The following ST18 variants were observed in gnomAD, a reference collection of about 807,000 sequenced individuals.
ST18 encodes the protein suppression of tumorigenicity 18 protein.
In ST18, 50 loss-of-function variants were observed where a neutral mutation model predicts 110.0. The ratio of observed to expected loss-of-function variants is 0.45; its 90% CI spans 0.36 to 0.58. The LOEUF is 0.58. ST18 is among the 20% of genes least tolerant of loss of function. The probability of loss-of-function intolerance (pLI) is 0.00; values close to 1 mark genes in which losing one functional copy is unlikely to be tolerated. For synonymous variants in ST18, 461 were observed against 452.4 expected, an observed-to-expected ratio of 1.02 and a Z score of -0.24; for missense variants, 1,306 against 1,280.1, an observed-to-expected ratio of 1.02 and a Z score of -0.31.
At chr8:52,227,313 T>C (rs2089833609) in intron 3 of ST18, among the ~76,000 whole-genome samples, 1 of 152,188 alleles carries the variant, frequency 6.6e-6, no homozygotes, top group Admixed American at 6.5e-5. Flanking sequence ...AAAGCACAAC[T>C]CTTGTTCTCA....
intron 2 of ST18, among the ~76,000 whole-genome samples, chr8:52,388,095 G>T (rs1837616319): frequency 6.6e-6 from 1 of 152,144 alleles, no homozygotes; most frequent in African/African-American, 2.4e-5. Context: ...TGTAACGCTT[G>T]TTTCGAAAAT....
intron 2 of ST18, among the ~76,000 whole-genome samples, chr8:52,331,034 C>G (rs1252691388): frequency 2.6e-5 from 4 of 152,110 alleles, no homozygotes; most frequent in Non-Finnish European, 5.9e-5. Context: ...GTGTGATTGG[C>G]TGCTCCTAGA....
intron 25 of ST18, 102 bp downstream of exon 25, chr8:52,116,171 TCA>T: frequency 7.4e-7 from 1 of 1,355,418 alleles, no homozygotes. Flanking sequence ...CTGTGACTGC[TCA>T]CAGGTCTCCT....
chr8:52,212,135 A>C, intron 7 of ST18, 26 bp from the exon 8 acceptor site: 1 of 1,593,650 alleles, frequency 6.3e-7, no homozygotes. Flanking sequence ...GAAAAAAAAG[A>C]AGACTTAATC....
intron 25 of ST18, among the ~76,000 whole-genome samples, chr8:52,114,816 T>C (rs1348798454): frequency 7.2e-5 from 11 of 152,232 alleles, no homozygotes; most frequent in Non-Finnish European, 1.3e-4. Flanking sequence ...GGAATACTAA[T>C]GCTCGCTCTT....
chr8:52,388,405 A>G lies in ST18; in HGVS notation c.-465+20923T>C, dbSNP rs190239242. On this transcript the variant is annotated intron_variant, in intron 2 of 25. Coordinates refer to ENST00000689386, the MANE Select transcript of ST18 (RefSeq NM_001352837.2). ...CCCGCCTCCAACTCCCACTTCCACA[A>G]CAAGCCTCAGGTCTTCCTTCTCAAG... 7.9e-5 allele frequency among the ~76,000 whole-genome samples: 12 copies of G among 151,884 alleles called. No homozygotes were observed. In the East Asian group the frequency reaches 2.1e-3, roughly 27 times the overall value.
rs2084929423 is a variant in ST18 at position 52,217,772 on chromosome 8, C to T, written c.-27G>A. 6.6e-6 allele frequency: 1 copy of T among 152,156 alleles called. No homozygotes were observed. Among genetic ancestry groups the T allele is most frequent in the African/African-American group, 2.4e-5 (1 of 41,422 alleles). 9.4% of individuals were successfully genotyped at this position (152,156 alleles called of 1,614,324 possible). A position where few individuals can be genotyped will look rare whatever the true frequency, so the allele number is the denominator to read the frequency against. ...TATAAACAGATGTATAAAGTGATTT[C>T]CTAGTACTTGTACTTGACGTCTTTT... On this transcript the variant is annotated 5_prime_UTR_variant, in exon 6 of 26. Transcript: ENST00000689386.
rs142789649 is a variant in ST18 at position 52,195,616 on chromosome 8, A to G, written c.87-15304T>C. Reference sequence around the variant, plus strand: ...AAAACTTTTAAAGAAGATTATTGCAACATCTTAATTGATCTTGGATAAGTA... The same window carrying G: ...AAAACTTTTAAAGAAGATTATTGCAGCATCTTAATTGATCTTGGATAAGTA... On this transcript the variant is annotated intron_variant, in intron 8 of 25. Transcript: ENST00000689386. Among the ~76,000 whole-genome samples the G allele has an allele frequency of 4.9e-3, 745 of 152,292 alleles. 5 individuals carry two copies. Among genetic ancestry groups the G allele is most frequent in the Middle Eastern group, 0.024 (7 of 292 alleles).
intron 8 of ST18, chr8:52,194,794 T>G (rs2075685482): frequency 6.6e-6 from 1 of 152,192 alleles, no homozygotes; most frequent in Non-Finnish European, 1.5e-5. Flanking sequence ...AAAGATTGAC[T>G]GAATGACTCC....
chr8:52,185,322 T>C (rs532385214), intron 8 of ST18, among the ~76,000 whole-genome samples: 1 of 152,274 alleles, frequency 6.6e-6, no homozygotes, highest in Admixed American at 6.5e-5. Flanking sequence ...ATGAAAAGAC[T>C]CAGTATAGCA....
Position 52,328,851 on chromosome 8 carries a change from G to A in ST18, c.-465+80477C>T, listed in dbSNP as rs916773186. Among the ~76,000 whole-genome samples the A allele has an allele frequency of 5.9e-5, 9 of 152,102 alleles. No individual in the cohort carries two copies. The South Asian group carries it at 1.7e-3, about 28-fold the overall frequency. Reference sequence around the variant, plus strand: ...TGTGCCAGGCCCACTGCTGATAAACGGGAAGTTTCTGTCTGCTGGGGGAGG... The same window carrying A: ...TGTGCCAGGCCCACTGCTGATAAACAGGAAGTTTCTGTCTGCTGGGGGAGG... On this transcript the variant is annotated intron_variant, in intron 2 of 25. Transcript: ENST00000689386.
chr8:52,263,610 G>GTTT lies in ST18; in HGVS notation c.-464-33536_-464-33534dup, dbSNP rs58618036. Among the ~76,000 whole-genome samples the GTTT allele has an allele frequency of 3.1e-3, 402 of 128,192 alleles. 2 individuals carry two copies. The highest frequency in any genetic ancestry group is 5.9e-3 in the East Asian group (26 of 4,408). The allele number at this position is 128,192 out of a possible 152,430, so 84.1% of individuals were successfully genotyped here. On this transcript the variant is annotated intron_variant, in intron 2 of 25. Coordinates refer to ENST00000689386, the MANE Select transcript of ST18 (RefSeq NM_001352837.2). Reference sequence around the variant, plus strand: ...TAATATCATGTAGTTTTTTTGTTTTGTTTTTTTTTTTTTTAGTAGAGATGG... The same window carrying GTTT: ...TAATATCATGTAGTTTTTTTGTTTTGTTTTTTTTTTTTTTTTTAGTAGAGATGG...
intron 15 of ST18, among the ~76,000 whole-genome samples, chr8:52,156,150 T>C (rs1161223950): frequency 6.6e-6 from 1 of 152,158 alleles, no homozygotes; most frequent in Admixed American, 6.5e-5. Context: ...CAGGGACAGC[T>C]CCCAGAGGGT....
rs2082353275 is a variant in ST18 at position 52,212,069 on chromosome 8, T to C, written c.86+10A>G. The C allele has an allele frequency of 6.2e-7, 1 of 1,604,450 alleles. No individual in the cohort carries two copies. Among genetic ancestry groups the C allele is most frequent in the Non-Finnish European group, 8.5e-7 (1 of 1,177,720 alleles). The stretch of plus-strand genomic sequence containing the variant: ...AATGTGAAAAAAAAGTAATATAGGG[T>C]AAATCTTACCTGAGCTCCTGGATTA... On this transcript the variant is annotated intron_variant, in intron 8 of 25. Coordinates refer to ENST00000689386, the MANE Select transcript of ST18 (RefSeq NM_001352837.2).
chr8:52,396,784 G>A (rs893518531), intron 2 of ST18, among the ~76,000 whole-genome samples: 3 of 152,110 alleles, frequency 2.0e-5, no homozygotes, highest in Non-Finnish European at 2.9e-5. Flanking sequence ...CCCCCATCAC[G>A]TGGAGATTAC....
intron 2 of ST18, among the ~76,000 whole-genome samples, chr8:52,388,309 G>T (rs762045365): frequency 5.3e-5 from 8 of 151,780 alleles, no homozygotes; most frequent in Non-Finnish European, 1.0e-4. Flanking sequence ...CAGCTCCCGG[G>T]AGCTGCAGAG....
At chr8:52,330,600 T>C (rs1192639624) in intron 2 of ST18, among the ~76,000 whole-genome samples, 1 of 152,228 alleles carries the variant, frequency 6.6e-6, no homozygotes, top group African/African-American at 2.4e-5. Context: ...GTTACTTTGA[T>C]GGCTAGGTTG....
In ST18 at chr8:52,118,455, G is replaced by A. The variant is rs1220670246; in HGVS notation, c.2756-14C>T. On this transcript the variant is annotated splice_polypyrimidine_tract_variant and intron_variant, in intron 23 of 25. Transcript: ENST00000689386. ...CACTCTCTATTCCTGTAAAGAGTAA[G>A]ACTACCTTAGTTCAAACTGAAAACT... The A allele has an allele frequency of 6.7e-7, 1 of 1,483,314 alleles. No homozygotes were observed. 91.9% of individuals were successfully genotyped at this position (1,483,314 alleles called of 1,614,324 possible).
chr8:52,172,317 A>T lies in ST18; in HGVS notation c.544T>A (p.Ser182Thr). The stretch of plus-strand genomic sequence containing the variant: ...TCAGAGGAGCAGAAGGGTGGCTGAG[A>T]ATCATCAATCTTGTCTCTTCCATCA... ...SDDGRDKIDD[S>T]QPPFCSSDDN... Residue 182 changes from serine to threonine, a missense_variant, in exon 10 of 26, where the codon TCT (serine) becomes ACT (threonine). Coordinates refer to ENST00000689386, the MANE Select transcript of ST18 (RefSeq NM_001352837.2). 1 of 1,614,198 alleles carries T rather than the reference A, an allele frequency of 6.2e-7. No individual in the cohort carries two copies. The highest frequency in any genetic ancestry group is 8.5e-7 in the Non-Finnish European group (1 of 1,180,038).
Sources: gnomAD v4.1 joint callset for allele counts (sites outside exome capture counted in the v4.1 genomes callset) on GRCh38, gnomAD v4.1.1 for gene constraint, MANE v1.5 for transcripts, NCBI Gene and HGNC (gene_info 2026-07-23, HGNC 2026-07-21) for gene names.